The following FAT2 variants were observed in gnomAD, a reference collection of about 807,000 sequenced individuals.
FAT2 encodes the protein FAT atypical cadherin 2.
A neutral mutation model predicts 295.3 loss-of-function variants in FAT2; 150 were observed. The observed-to-expected ratio is 0.51, with a 90% CI of 0.44 to 0.58. The LOEUF (loss-of-function observed/expected upper bound fraction) is 0.58, where lower values mean the gene tolerates loss of function less well. Among genes scored for constraint, FAT2 ranks in the 20% least tolerant of loss-of-function variants. The pLI is 0.00. For missense variants in FAT2, 4,868 were observed against 5,442.7 expected (o/e 0.89, Z 3.32); for synonymous variants, 2,026 against 2,150.3 (o/e 0.94, Z 1.60).
At position 151,551,571 on chromosome 5, in the gene FAT2, T is replaced by C; in HGVS notation, c.4192A>G (p.Thr1398Ala). ...DKDMDFDIEKTTGSIVIARPL... is the reference protein window; with the variant it reads ...DKDMDFDIEKATGSIVIARPL... ...CTGGCAATGACGATGCTGCCTGTGG[T>C]CTTCTCAATGTCAAAGTCCATGTCC... The change falls in exon 7 of 24, where the codon ACC (threonine) becomes GCC (alanine). Residue 1398 changes from threonine (T) to alanine (A), a missense_variant. Physicochemically the swap from Thr to Ala is moderately conservative, Grantham distance 58. Transcript: ENST00000261800. 6.2e-7 allele frequency: 1 copy of C among 1,614,170 alleles called. No homozygotes were observed. The highest frequency in any genetic ancestry group is 8.5e-7 in the Non-Finnish European group (1 of 1,180,018).
At chr5:151,510,279 A>T (rs2127568246) in intron 21 of FAT2, 105 bp from the exon 22 acceptor site, 1 of 1,340,854 alleles carries the variant, frequency 7.5e-7, no homozygotes, top group Non-Finnish European at 1.0e-6. Flanking sequence ...GTTACCATTT[A>T]TTTATTTGGT....
chr5:151,536,403 C>T (rs1052678997), intron 12 of FAT2, among the ~76,000 whole-genome samples: 1 of 152,152 alleles, frequency 6.6e-6, no homozygotes, highest in South Asian at 2.1e-4. Context: ...CCTGCCACCC[C>T]CTGCTCAGGT....
intron 14 of FAT2, among the ~76,000 whole-genome samples, chr5:151,529,949 T>C (rs981163858): frequency 9.2e-5 from 14 of 152,248 alleles, no homozygotes; most frequent in African/African-American, 3.1e-4. Flanking sequence ...TAGTTAATGG[T>C]GGACACTCTG....
In FAT2 at chr5:151,543,106, A is replaced by G. The variant is rs1561849448; in HGVS notation, c.8021T>C (p.Leu2674Pro). The part of the protein sequence containing the change: ...QDGGPPHWNS[L>P]VPVRLQVVPK... ...AACCACCTGAAGTCGTACTGGCACC[A>G]GAGAGTTCCAGTGAGGAGGGCCTCC... is the stretch of plus-strand genomic sequence containing the variant. The change falls in exon 10 of 24, where the codon CTG (leucine) becomes CCG (proline). Residue 2674 changes from leucine to proline, a missense_variant. Transcript: ENST00000261800. The G allele has an allele frequency of 6.2e-7, 1 of 1,614,202 alleles. No homozygotes were observed. The highest frequency in any genetic ancestry group is 8.5e-7 in the Non-Finnish European group (1 of 1,180,030).
chr5:151,581,203 C>T (rs975246169), intron 1 of FAT2, among the ~76,000 whole-genome samples: 1 of 152,168 alleles, frequency 6.6e-6, no homozygotes, highest in African/African-American at 2.4e-5. Context: ...TCTCTTCAGA[C>T]ATAAACGAGG....
chr5:151,579,657 T>C (rs992059291), intron 1 of FAT2, among the ~76,000 whole-genome samples: 2 of 152,052 alleles, frequency 1.3e-5, no homozygotes, highest in Non-Finnish European at 1.5e-5. Flanking sequence ...CCACTATGCA[T>C]ACATTATCAA....
chr5:151,533,393 A>AAAACACACACCC (rs373411098), intron 13 of FAT2, among the ~76,000 whole-genome samples: 1 of 132,114 alleles, frequency 7.6e-6, no homozygotes, highest in African/African-American at 2.8e-5. Context: ...TGTTATCTCC[A>AAAACACACACCC]ACACACACAC....
chr5:151,529,081 A>G (rs1754320017), intron 15 of FAT2, 97 bp downstream of exon 15: 1 of 1,041,636 alleles, frequency 9.6e-7, no homozygotes, highest in Admixed American at 1.9e-5. Flanking sequence ...TTAACTTAAT[A>G]AACTAATCCA....
At position 151,545,816 on chromosome 5, in the gene FAT2, C is replaced by A. The variant is rs1228632952; in HGVS notation, c.5311G>T (p.Ala1771Ser). 6.2e-7 allele frequency: 1 copy of A among 1,614,200 alleles called. No homozygotes were observed. The highest frequency in any genetic ancestry group is 8.5e-7 in the Non-Finnish European group (1 of 1,180,034). Reference sequence around the variant, plus strand: ...TCCATGATCATGCTATACAGTGGAGCTGCTTCACTAATTTGGCCCACAAAA... The same window carrying A: ...TCCATGATCATGCTATACAGTGGAGATGCTTCACTAATTTGGCCCACAAAA... ...STFVGQISEA[A>S]PLYSMIMDKN... The change falls in exon 10 of 24, where the codon GCT becomes TCT. Residue 1771 changes from alanine (A) to serine (S), a missense_variant. By Grantham distance (99) the Ala-to-Ser change is moderately conservative. This residue lies in a region of FAT2 where 3,297 missense variants were observed against 3,669.4 expected (regional missense o/e 0.90). Transcript: ENST00000261800.
In FAT2 at chr5:151,532,048, A is replaced by G. The variant is rs1403777710; in HGVS notation, c.9428-78T>C. 7 of 1,552,894 alleles carry G rather than the reference A, an allele frequency of 4.5e-6. No individual in the cohort carries two copies. In the East Asian group the frequency reaches 1.4e-4, roughly 30 times the overall value. ...TGCCTGCAGCAAACCCTGCAGCCAC[A>G]GGAGGGGCTGGGGAGGGGCTCCCAT... On this transcript the variant is annotated intron_variant, in intron 13 of 23. Transcript: ENST00000261800.
At position 151,561,815 on chromosome 5, in the gene FAT2, A is replaced by G. The variant is rs995940681; in HGVS notation, c.3574+1510T>C. ...GCATTGGTGATTTGTTCTACTTTTG[A>G]AAGTGTTCATGCTTATAAAGATTTC... is the stretch of plus-strand genomic sequence containing the variant. On this transcript the variant is annotated intron_variant, in intron 3 of 23. Coordinates refer to ENST00000261800, the MANE Select transcript of FAT2 (RefSeq NM_001447.3). Among the ~76,000 whole-genome samples, 37 of 152,202 alleles carry G rather than the reference A, an allele frequency of 2.4e-4. 1 individual carries two copies. Among genetic ancestry groups the G allele is most frequent in the African/African-American group, 8.7e-4 (36 of 41,458 alleles).
chr5:151,544,864 A>G lies in FAT2; in HGVS notation c.6263T>C (p.Val2088Ala), dbSNP rs1469767052. Reference sequence around the variant, plus strand: ...ATCAGTGGCAGATACCTGAAAGAGGACATCCCCTGGCTCTGTGCCATCTTG... The same window carrying G: ...ATCAGTGGCAGATACCTGAAAGAGGGCATCCCCTGGCTCTGTGCCATCTTG... ...IIQDGTEPGD[V>A]LFQVSATDED... Residue 2088 changes from valine to alanine, a missense_variant, in exon 10 of 24, where the codon GTC becomes GCC. This residue lies in a region of FAT2 where 3,297 missense variants were observed against 3,669.4 expected (regional missense o/e 0.90). Transcript: ENST00000261800. 5 of 1,614,178 alleles carry G rather than the reference A, an allele frequency of 3.1e-6. No homozygotes were observed. Among genetic ancestry groups the G allele is most frequent in the Non-Finnish European group, 4.2e-6 (5 of 1,180,018 alleles).
upstream of FAT2, among the ~76,000 whole-genome samples, chr5:151,594,634 T>G (rs1759518733): frequency 6.6e-6 from 1 of 152,200 alleles, no homozygotes; most frequent in African/African-American, 2.4e-5. Flanking sequence ...TCATGTCCAT[T>G]TCCCCTATTT....
At chr5:151,594,752 G>A (rs569176032), upstream of FAT2, among the ~76,000 whole-genome samples, 10 of 152,264 alleles carry the variant, frequency 6.6e-5, no homozygotes, top group African/African-American at 2.4e-4. Flanking sequence ...AATGAGCAAC[G>A]ATGTAAATGA....
upstream of FAT2, among the ~76,000 whole-genome samples, chr5:151,593,677 T>C (rs1248300485): frequency 6.6e-6 from 1 of 152,184 alleles, no homozygotes; most frequent in African/African-American, 2.4e-5. Flanking sequence ...GAGCACATCC[T>C]GACCAAGCCT....
At position 151,556,338 on chromosome 5, in the gene FAT2, A is replaced by C. The variant is rs1379880323; in HGVS notation, c.3633+6T>G. 6.2e-7 allele frequency: 1 copy of C among 1,612,934 alleles called. No homozygotes were observed. The highest frequency in any genetic ancestry group is 8.5e-7 in the Non-Finnish European group (1 of 1,179,028). On this transcript the variant is annotated splice_donor_region_variant and intron_variant, in intron 4 of 23. Coordinates refer to ENST00000261800, the MANE Select transcript of FAT2 (RefSeq NM_001447.3). Reference sequence around the variant, plus strand: ...CACCACAAATGGATTCACCACCATTACTTACCTCCAGGATGTGTTCATCCT... The same window carrying C: ...CACCACAAATGGATTCACCACCATTCCTTACCTCCAGGATGTGTTCATCCT...
rs768245088 is a variant in FAT2 at position 151,563,457 on chromosome 5, C to T, written c.3442G>A (p.Glu1148Lys). The change falls in exon 3 of 24, where the codon GAG becomes AAG. Residue 1148 changes from glutamate to lysine, a missense_variant. Glu to Lys is a moderately conservative substitution (Grantham distance 56). Around this residue, in one of 5 missense-constraint regions of FAT2, gnomAD observed 3,297 missense variants for 3,669.4 expected, o/e 0.90. Transcript: ENST00000261800. ...ACAGAGGTGCCCACGGGAGCATCCT[C>T]CTGGATGGAGGGGTAGAACACAGCT... is the stretch of plus-strand genomic sequence containing the variant. The part of the protein sequence containing the change: ...SQAVFYPSIQ[E>K]DAPVGTSVLQ... The T allele has an allele frequency of 1.9e-6, 3 of 1,614,182 alleles. No homozygotes were observed. The highest frequency in any genetic ancestry group is 1.7e-5 in the Admixed American group (1 of 60,038).
At position 151,568,592 on chromosome 5, in the gene FAT2, TG is replaced by T. The variant is rs2127650388; in HGVS notation, c.339del (p.Asp113GlufsTer19). On this transcript the variant is annotated frameshift_variant, in exon 2 of 24. Coordinates refer to ENST00000261800, the MANE Select transcript of FAT2 (RefSeq NM_001447.3). LOFTEE classifies it high-confidence loss of function. ...NTALLNREVR[D>X]SYTLIIQATE... ...GTGGCTTGGATGATGAGGGTGTAGC[TG>T]TCTCGCACCTCTCTGTTCAGAAGAG... 6.2e-7 allele frequency: 1 copy of T among 1,614,190 alleles called. No homozygotes were observed. The highest frequency in any genetic ancestry group is 1.1e-5 in the South Asian group (1 of 91,078).
chr5:151,587,176 A>C (rs575742897), intron 1 of FAT2, among the ~76,000 whole-genome samples: 84 of 151,926 alleles, frequency 5.5e-4, no homozygotes, highest in African/African-American at 1.7e-3. Context: ...CAAAAAAAAA[A>C]CAAAAAAACC....
Sources: allele counts gnomAD v4.1 joint callset (sites outside exome capture counted in the v4.1 genomes callset), GRCh38; gene constraint gnomAD v4.1.1; regional missense constraint gnomAD v4.1.1; transcripts MANE v1.5; gene names NCBI Gene and HGNC (gene_info 2026-07-23, HGNC 2026-07-21).